Variants in PM20D1 observed in about 807,000 individuals in gnomAD.
PM20D1 encodes N-fatty-acyl-amino acid synthase/hydrolase PM20D1.
A neutral mutation model predicts 53.8 loss-of-function variants in PM20D1; 53 were observed. The observed-to-expected ratio is 0.98, with a 90% CI of 0.79 to 1.24. The LOEUF is 1.24. Ranked by LOEUF, PM20D1 falls within the 50% of genes most tolerant of loss-of-function variation. PM20D1 has a pLI of 0.00. For synonymous variants in PM20D1, 239 were observed against 241.3 expected (o/e 0.99, Z 0.09); for missense variants, 564 against 616.8 (o/e 0.91, Z 0.91).
intron 10 of PM20D1, among the ~76,000 whole-genome samples, chr1:205,838,806 A>G (rs1656741065): frequency 6.6e-6 from 1 of 152,158 alleles, no homozygotes; most frequent in African/African-American, 2.4e-5. Flanking sequence ...TTGGTCAACT[A>G]CCCAGGTTAA....
At position 205,843,322 on chromosome 1, in the gene PM20D1, C is replaced by T. The variant is rs150586658; in HGVS notation, c.827+345G>A. Among the ~76,000 whole-genome samples, 212 of 152,334 alleles carry T rather than the reference C, an allele frequency of 1.4e-3. 1 individual carries two copies. The highest frequency in any genetic ancestry group is 1.5e-3 in the Non-Finnish European group (104 of 68,038). On this transcript the variant is annotated intron_variant, in intron 6 of 12. Coordinates refer to ENST00000367136, the MANE Select transcript of PM20D1 (RefSeq NM_152491.5). ...TTCCATATGGATATACTGACAGATC[C>T]TCTTCTGACTCCAGCCCTTGCAGGA...
chr1:205,835,878 T>C (rs1414815948), intron 10 of PM20D1, among the ~76,000 whole-genome samples: 2 of 151,940 alleles, frequency 1.3e-5, no homozygotes, highest in Non-Finnish European at 2.9e-5. Context: ...TCTGATCTCC[T>C]GTTCTTTTTT....
At position 205,843,761 on chromosome 1, in the gene PM20D1, T is replaced by C. The variant is rs1384124425; in HGVS notation, c.733A>G (p.Met245Val). 17 of 1,614,154 alleles carry C rather than the reference T, an allele frequency of 1.1e-5. No individual in the cohort carries two copies. The South Asian group carries it at 1.6e-4, about 16-fold the overall frequency. Reference sequence around the variant, plus strand: ...ATGTTTACTTGCAGCATGAGGTTCATGGAACCCTTCTCTGAGACTGCAATC... The same window carrying C: ...ATGTTTACTTGCAGCATGAGGTTCACGGAACCCTTCTCTGAGACTGCAATC... ...ALIAVSEKGSMNLMLQVNMTS... is the reference protein window; with the variant it reads ...ALIAVSEKGSVNLMLQVNMTS... The change falls in exon 6 of 13, where the codon ATG becomes GTG. Residue 245 changes from methionine to valine, a missense_variant. Physicochemically the swap from Met to Val is conservative, Grantham distance 21. Coordinates refer to ENST00000367136, the MANE Select transcript of PM20D1 (RefSeq NM_152491.5).
chr1:205,848,419 T>C (rs1657051881), intron 1 of PM20D1, among the ~76,000 whole-genome samples: 1 of 152,218 alleles, frequency 6.6e-6, no homozygotes, highest in Non-Finnish European at 1.5e-5. Context: ...GAGGCTTGTG[T>C]GTTTTTGTAT....
At position 205,850,082 on chromosome 1, in the gene PM20D1, G is replaced by C; in HGVS notation, c.-10C>G. ...CGCACCGCTGAGCCATGCTTCTCTC[G>C]AGCTCCTGCTGTCAGGCTACCGGGG... On this transcript the variant is annotated 5_prime_UTR_variant, in exon 1 of 13. Transcript: ENST00000367136. 3 of 1,609,618 alleles carry C rather than the reference G, an allele frequency of 1.9e-6. No individual in the cohort carries two copies. Among genetic ancestry groups the C allele is most frequent in the African/African-American group, 1.3e-5 (1 of 74,944 alleles).
rs1287112827 is a variant in PM20D1, at chr1:205,840,333, G to A, written c.1045-10C>T. The A allele has an allele frequency of 1.2e-6, 2 of 1,612,302 alleles. No homozygotes were observed. Among genetic ancestry groups the A allele is most frequent in the South Asian group, 2.2e-5 (2 of 90,688 alleles). On this transcript the variant is annotated splice_polypyrimidine_tract_variant and intron_variant, in intron 9 of 12. Coordinates refer to ENST00000367136, the MANE Select transcript of PM20D1 (RefSeq NM_152491.5). ...GGGGGATGACATTGAACTAGAGAGA[G>A]AAGCACAAAACCCTGGCTTGAGTCA...
intron 8 of PM20D1, 54 bp from the exon 9 acceptor site, chr1:205,841,943 A>T: frequency 6.7e-7 from 1 of 1,487,318 alleles, no homozygotes; most frequent in Non-Finnish European, 9.2e-7. Flanking sequence ...GGGTGAAGGA[A>T]AGGGCGGAAA....
At position 205,843,749 on chromosome 1, in the gene PM20D1, G is replaced by T. The variant is rs762413375; in HGVS notation, c.745C>A (p.Leu249Met). The change falls in exon 6 of 13, where the codon CTG becomes ATG. Residue 249 changes from leucine to methionine, a missense_variant. By Grantham distance (15) the Leu-to-Met change is conservative. Transcript: ENST00000367136. ...TGGCCTGAAGTCATGTTTACTTGCA[G>T]CATGAGGTTCATGGAACCCTTCTCT... ...VSEKGSMNLM[L>M]QVNMTSGHSS... The T allele has an allele frequency of 3.2e-5, 51 of 1,614,124 alleles. No individual in the cohort carries two copies. The highest frequency in any genetic ancestry group is 4.1e-5 in the Non-Finnish European group (48 of 1,180,010).
At chr1:205,829,607 T>A (rs1656514196) in intron 12 of PM20D1, among the ~76,000 whole-genome samples, 1 of 152,166 alleles carries the variant, frequency 6.6e-6, no homozygotes. Flanking sequence ...ACAGAGTACC[T>A]ACCCATCTCC....
chr1:205,830,557 G>A (rs2102521843), intron 11 of PM20D1, among the ~76,000 whole-genome samples, 178 bp from the exon 12 acceptor site: 1 of 151,142 alleles, frequency 6.6e-6, no homozygotes, highest in African/African-American at 2.4e-5. Context: ...CAGGAACATG[G>A]AATCTCCTTC....
intron 10 of PM20D1, among the ~76,000 whole-genome samples, chr1:205,835,853 C>A (rs1463347256): frequency 6.6e-6 from 1 of 151,738 alleles, no homozygotes; most frequent in African/African-American, 2.4e-5. Context: ...TTAGAGCACA[C>A]GAATCTCTCA....
intron 2 of PM20D1, among the ~76,000 whole-genome samples, chr1:205,845,886 C>G (rs1369429001): frequency 6.6e-6 from 1 of 151,684 alleles, no homozygotes; most frequent in Non-Finnish European, 1.5e-5. Flanking sequence ...AGTTCCAGAC[C>G]GGCCTGGCCA....
In PM20D1 at chr1:205,842,706, C is replaced by A; in HGVS notation, c.873G>T (p.Val291=). Residue 291 remains valine, a synonymous_variant, in exon 7 of 13, where the codon GTG becomes GTT. Coordinates refer to ENST00000367136, the MANE Select transcript of PM20D1 (RefSeq NM_152491.5). ...TTGCCAGTTGCTGCAATACAGTCAC[C>A]ACTGTCCCGCTTCCAAATATGATAG... ...PMPIIFGSGT[V]VTVLQQLANE... 1.9e-6 allele frequency: 3 copies of A among 1,614,128 alleles called. No homozygotes were observed. The highest frequency in any genetic ancestry group is 2.5e-6 in the Non-Finnish European group (3 of 1,180,040).
At chr1:205,847,119 G>A (rs1326456077) in intron 2 of PM20D1, among the ~76,000 whole-genome samples, 1 of 126,984 alleles carries the variant, frequency 7.9e-6, no homozygotes, top group Non-Finnish European at 1.6e-5. Flanking sequence ...CTGGAATCCA[G>A]CAACCCTCCC....
At chr1:205,836,641 CT>C in intron 10 of PM20D1, among the ~76,000 whole-genome samples, 1 of 152,204 alleles carries the variant, frequency 6.6e-6, no homozygotes, top group South Asian at 2.1e-4. Context: ...CTGTGAGTAG[CT>C]GGGAGTATAG....
chr1:205,844,697 A>C (rs926769903), intron 4 of PM20D1, 114 bp downstream of exon 4: 1 of 914,684 alleles, frequency 1.1e-6, no homozygotes, highest in Non-Finnish European at 1.6e-6. Context: ...AGAAGTTGGC[A>C]AACTACCGTA....
chr1:205,841,956 T>C, intron 8 of PM20D1, 67 bp from the exon 9 acceptor site: 2 of 1,422,942 alleles, frequency 1.4e-6, no homozygotes, highest in African/African-American at 2.8e-5. Flanking sequence ...GGCGGAAACA[T>C]TACCCACTTT....
chr1:205,835,116 G>A (rs957799043), intron 10 of PM20D1, among the ~76,000 whole-genome samples: 2 of 152,196 alleles, frequency 1.3e-5, no homozygotes, highest in Non-Finnish European at 2.9e-5. Context: ...GTTAGAGGTG[G>A]TGTGGAGTAT....
At chr1:205,841,991 CTG>C (rs1656821141) in intron 8 of PM20D1, 102 bp from the exon 9 acceptor site, 1 of 1,247,786 alleles carries the variant, frequency 8.0e-7, no homozygotes. Flanking sequence ...ATCTTTAAGA[CTG>C]AGAGAGACGT....
Sources: gnomAD v4.1 joint callset for allele counts (sites outside exome capture counted in the v4.1 genomes callset) on GRCh38, gnomAD v4.1.1 for gene constraint, MANE v1.5 for transcripts, NCBI Gene and HGNC (gene_info 2026-07-23, HGNC 2026-07-21) for gene names.